Variants in CDH12 observed in about 807,000 individuals in gnomAD.
The protein encoded by CDH12 is cadherin 12, also known as cadherin-12.
CDH12 carries 41 observed loss-of-function variants against 74.1 expected under a neutral mutation model. The ratio of observed to expected loss-of-function variants is 0.55; its 90% CI spans 0.43 to 0.72. The LOEUF is 0.72. CDH12 is among the 30% of genes least tolerant of loss of function. The pLI, the probability that CDH12 is intolerant of heterozygous loss-of-function variation, is 0.00. For missense variants in CDH12, 945 were observed against 977.2 expected, an observed-to-expected ratio of 0.97 and a Z score of 0.44; for synonymous variants, 399 against 355.0, an observed-to-expected ratio of 1.12 and a Z score of -1.39.
intron 3 of CDH12, among the ~76,000 whole-genome samples, chr5:22,292,510 A>C (rs552689418): frequency 6.6e-6 from 1 of 152,152 alleles, no homozygotes; most frequent in East Asian, 1.9e-4. Context: ...TAAAGAGTTG[A>C]AATCCAAAAC....
At chr5:21,905,573 G>C (rs560238644) in intron 6 of CDH12, among the ~76,000 whole-genome samples, 2 of 152,274 alleles carry the variant, frequency 1.3e-5, no homozygotes, top group South Asian at 4.1e-4. Flanking sequence ...GCCACCTATT[G>C]AGTCCCTTAC....
chr5:21,862,125 T>C (rs1347429488), intron 6 of CDH12, among the ~76,000 whole-genome samples: 1 of 152,080 alleles, frequency 6.6e-6, no homozygotes, highest in Non-Finnish European at 1.5e-5. Context: ...TATCCTTTAG[T>C]TGTGTTTGGT....
At chr5:22,589,037 T>C (rs781176038) in intron 1 of CDH12, among the ~76,000 whole-genome samples, 6 of 152,112 alleles carry the variant, frequency 3.9e-5, no homozygotes, top group Non-Finnish European at 8.8e-5. Context: ...TTTCTCTAGA[T>C]TTTGTGGTGT....
intron 5 of CDH12, among the ~76,000 whole-genome samples, chr5:21,995,234 A>G (rs1338865061): frequency 6.6e-6 from 1 of 151,656 alleles, no homozygotes; most frequent in Non-Finnish European, 1.5e-5. Context: ...CCAATTCCAG[A>G]CACAAAATGT....
chr5:22,748,730 G>T (rs1257701335), intron 1 of CDH12, among the ~76,000 whole-genome samples: 2 of 152,146 alleles, frequency 1.3e-5, no homozygotes, highest in Non-Finnish European at 2.9e-5. Flanking sequence ...TTGTAATGAT[G>T]TGACGACATT....
At chr5:22,349,990 G>A (rs1173676161) in intron 3 of CDH12, among the ~76,000 whole-genome samples, 1 of 152,206 alleles carries the variant, frequency 6.6e-6, no homozygotes, top group Non-Finnish European at 1.5e-5. Flanking sequence ...GGGAGCAACA[G>A]TGGGCTTATT....
intron 1 of CDH12, among the ~76,000 whole-genome samples, chr5:22,625,590 T>C (rs1738245109): frequency 6.6e-6 from 1 of 152,122 alleles, no homozygotes; most frequent in African/African-American, 2.4e-5. Context: ...TTTAGCTGGC[T>C]TTAGCTTTTG....
At chr5:22,418,519 G>T (rs897944087) in intron 2 of CDH12, among the ~76,000 whole-genome samples, 1 of 152,134 alleles carries the variant, frequency 6.6e-6, no homozygotes, top group African/African-American at 2.4e-5. Flanking sequence ...TCCTTGTCTT[G>T]TGCCGGTTTT....
At chr5:22,481,203 T>C (rs919856699) in intron 2 of CDH12, among the ~76,000 whole-genome samples, 4 of 152,132 alleles carry the variant, frequency 2.6e-5, no homozygotes, top group African/African-American at 7.2e-5. Flanking sequence ...AGATAACAAG[T>C]GTTGGCAAAG....
chr5:22,564,638 A>G (rs1739208231), intron 1 of CDH12, among the ~76,000 whole-genome samples: 1 of 151,290 alleles, frequency 6.6e-6, no homozygotes, highest in Non-Finnish European at 1.5e-5. Context: ...TGTTATTTTG[A>G]TTTTTGATTT....
chr5:21,801,278 A>T (rs576181650), intron 10 of CDH12, among the ~76,000 whole-genome samples: 2 of 152,332 alleles, frequency 1.3e-5, no homozygotes, highest in South Asian at 2.1e-4. Flanking sequence ...TGTCAATAGA[A>T]TAAAGTGTTT....
chr5:22,622,904 C>T (rs566844785), intron 1 of CDH12, among the ~76,000 whole-genome samples: 20 of 152,162 alleles, frequency 1.3e-4, no homozygotes, highest in Middle Eastern at 3.4e-3. Context: ...TGATGAACAT[C>T]GATGCAAAAA....
intron 3 of CDH12, among the ~76,000 whole-genome samples, chr5:22,360,633 A>G (rs1199719351): frequency 6.6e-6 from 1 of 152,164 alleles, no homozygotes; most frequent in Non-Finnish European, 1.5e-5. Flanking sequence ...CAAAAAAAAG[A>G]GAATTTTAGA....
At chr5:22,687,959 T>C (rs1181851992) in intron 1 of CDH12, among the ~76,000 whole-genome samples, 2 of 152,116 alleles carry the variant, frequency 1.3e-5, no homozygotes. Context: ...TCTGGTAGGA[T>C]ATTGTGCATT....
At chr5:21,818,544 A>G (rs1748191458) in intron 8 of CDH12, among the ~76,000 whole-genome samples, 1 of 151,900 alleles carries the variant, frequency 6.6e-6, no homozygotes, top group Non-Finnish European at 1.5e-5. Flanking sequence ...CCCCCAGAAA[A>G]TGGTATCTAC....
chr5:21,914,510 C>A (rs1245928124), intron 6 of CDH12, among the ~76,000 whole-genome samples: 1 of 151,994 alleles, frequency 6.6e-6, no homozygotes, highest in African/African-American at 2.4e-5. Context: ...TATACATACC[C>A]ATACAAAGAG....
At position 21,915,878 on chromosome 5, in the gene CDH12, G is replaced by A. The variant is rs373428810; in HGVS notation, c.526+59213C>T. Among the ~76,000 whole-genome samples the A allele has an allele frequency of 2.2e-4, 32 of 148,568 alleles. No individual in the cohort carries two copies. In the South Asian group the frequency reaches 6.0e-3, roughly 28 times the overall value. On this transcript the variant is annotated intron_variant, in intron 6 of 14. Transcript: ENST00000382254. ...TGTGTGTGTTCATGTATTAAAAGAAGTGAACAATATAAGGGTTAGGAAAGG... is the reference window on the plus strand; with the variant it reads ...TGTGTGTGTTCATGTATTAAAAGAAATGAACAATATAAGGGTTAGGAAAGG...
At chr5:22,230,970 G>A (rs1752361180) in intron 3 of CDH12, among the ~76,000 whole-genome samples, 1 of 152,120 alleles carries the variant, frequency 6.6e-6, no homozygotes, top group African/African-American at 2.4e-5. Flanking sequence ...TTATTTTACC[G>A]TTTTCAAATC....
intron 6 of CDH12, among the ~76,000 whole-genome samples, chr5:21,878,348 T>C (rs1395595016): frequency 1.3e-5 from 2 of 152,168 alleles, no homozygotes; most frequent in Non-Finnish European, 2.9e-5. Context: ...AAAATTAAAC[T>C]TTATTATATT....
Sources: allele counts gnomAD v4.1 joint callset (sites outside exome capture counted in the v4.1 genomes callset), GRCh38; gene constraint gnomAD v4.1.1; transcripts MANE v1.5; gene names NCBI Gene and HGNC (gene_info 2026-07-23, HGNC 2026-07-21).